The following TRAPPC9 variants were observed in gnomAD, a reference collection of about 807,000 sequenced individuals.
TRAPPC9 encodes IKK2 binding protein.
In TRAPPC9, 83 loss-of-function variants were observed where a neutral mutation model predicts 124.0. The ratio of observed to expected loss-of-function variants is 0.67; its 90% confidence interval spans 0.56 to 0.80. The LOEUF (loss-of-function observed/expected upper bound fraction) is 0.80. Among genes scored for constraint, TRAPPC9 ranks in the 30% least tolerant of loss-of-function variants. TRAPPC9 has a pLI of 0.00. For missense variants in TRAPPC9, 1,302 were observed against 1,508.3 expected, an observed-to-expected ratio of 0.86 and a Z score of 2.27; for synonymous variants, 638 against 617.5, an observed-to-expected ratio of 1.03 and a Z score of -0.49.
At chr8:140,320,356 T>C (rs895042372) in intron 9 of TRAPPC9, among the ~76,000 whole-genome samples, 1 of 152,218 alleles carries the variant, frequency 6.6e-6, no homozygotes, top group Non-Finnish European at 1.5e-5. Flanking sequence ...ACACAGGCTA[T>C]GTTGAAGGAC....
At chr8:139,898,359 T>C (rs1458808928) in intron 20 of TRAPPC9, among the ~76,000 whole-genome samples, 4 of 152,220 alleles carry the variant, frequency 2.6e-5, no homozygotes. Flanking sequence ...GTTTACGGTC[T>C]CTGAGTCCCT....
rs922222263 is a variant in TRAPPC9 at position 139,835,458 on chromosome 8, G to A, written c.3055+50421C>T. 2.6e-5 allele frequency among the ~76,000 whole-genome samples: 4 copies of A among 152,344 alleles called. No individual in the cohort carries two copies. The East Asian group carries it at 5.8e-4, about 22-fold the overall frequency. ...CCCCATTGTGTCACTGTGATGGCGC[G>A]CACGTTCGCCCGTGCTGTGCGTGGA... is the stretch of plus-strand genomic sequence containing the variant. On this transcript the variant is annotated intron_variant, in intron 21 of 22. Transcript: ENST00000438773.
chr8:140,342,434 T>C (rs1289621450), intron 9 of TRAPPC9, among the ~76,000 whole-genome samples: 1 of 152,252 alleles, frequency 6.6e-6, no homozygotes, highest in Non-Finnish European at 1.5e-5. Context: ...CAGGTACTTA[T>C]TATGTTGTAC....
intron 17 of TRAPPC9, among the ~76,000 whole-genome samples, chr8:140,201,212 G>A (rs534481171): frequency 3.9e-5 from 6 of 152,256 alleles, no homozygotes; most frequent in South Asian, 2.1e-4. Context: ...AAAATATTCC[G>A]AAAGAGAAAA....
Position 140,291,265 on chromosome 8 carries a change from T to C in TRAPPC9, c.1769-187A>G, listed in dbSNP as rs1165699171. On this transcript the variant is annotated intron_variant, in intron 11 of 22. Transcript: ENST00000438773. ...TTTCTCTGAAACAAAGCAAGGTAGC[T>C]GTCACTGGCACTTTGATGCCACATG... 7.6e-6 allele frequency: 5 copies of C among 659,140 alleles called. No homozygotes were observed. The Admixed American group carries it at 8.8e-5, about 12-fold the overall frequency. 40.8% of individuals were successfully genotyped at this position (659,140 alleles called of 1,614,324 possible). A position where few individuals can be genotyped will look rare whatever the true frequency, so the allele number is the denominator to read the frequency against.
At chr8:140,432,871 C>CAA (rs749037939) in intron 4 of TRAPPC9, among the ~76,000 whole-genome samples, 4 of 132,412 alleles carry the variant, frequency 3.0e-5, no homozygotes, top group Non-Finnish European at 3.3e-5. Context: ...GACTCTGTAT[C>CAA]AAAAAAAAAA....
intron 17 of TRAPPC9, among the ~76,000 whole-genome samples, chr8:140,036,017 C>A (rs1391336362): frequency 6.6e-6 from 1 of 152,170 alleles, no homozygotes; most frequent in African/African-American, 2.4e-5. Context: ...CTGGGCTACA[C>A]AGGGGAATTG....
At chr8:140,335,027 T>C (rs1224112191) in intron 9 of TRAPPC9, among the ~76,000 whole-genome samples, 1 of 152,096 alleles carries the variant, frequency 6.6e-6, no homozygotes, top group African/African-American at 2.4e-5. Context: ...ATAGAAAAAG[T>C]ATGCAATGAG....
intron 11 of TRAPPC9, among the ~76,000 whole-genome samples, chr8:140,291,625 A>G (rs1396952222): frequency 6.6e-6 from 1 of 152,240 alleles, no homozygotes; most frequent in Non-Finnish European, 1.5e-5. Context: ...CCCCACCTTC[A>G]GTGTGAATAT....
chr8:140,084,196 T>C (rs72685289), intron 17 of TRAPPC9, among the ~76,000 whole-genome samples: 23,916 of 152,174 alleles, frequency 0.16, 2,388 homozygotes, highest in African/African-American at 0.29. Context: ...AGTGGAACCA[T>C]GGTTAATTTT....
At chr8:140,200,653 T>C (rs2062766484) in intron 17 of TRAPPC9, among the ~76,000 whole-genome samples, 1 of 152,064 alleles carries the variant, frequency 6.6e-6, no homozygotes, top group Non-Finnish European at 1.5e-5. Flanking sequence ...CACTCCTCAG[T>C]ACTCTCAACG....
chr8:140,233,310 T>G (rs2063647871), intron 16 of TRAPPC9, among the ~76,000 whole-genome samples: 1 of 152,064 alleles, frequency 6.6e-6, no homozygotes, highest in African/African-American at 2.4e-5. Context: ...GTTCAAGCGA[T>G]TCTCCTGCCT....
chr8:140,135,084 T>A (rs936591291), intron 17 of TRAPPC9, among the ~76,000 whole-genome samples: 1 of 152,148 alleles, frequency 6.6e-6, no homozygotes, highest in Non-Finnish European at 1.5e-5. Flanking sequence ...TTACTAGTCA[T>A]CAAGGAAATG....
intron 5 of TRAPPC9, among the ~76,000 whole-genome samples, chr8:140,416,088 A>C (rs751435739): frequency 2.6e-5 from 4 of 152,202 alleles, no homozygotes; most frequent in Non-Finnish European, 5.9e-5. Context: ...GGGGAATTGA[A>C]AAACAATAGA....
chr8:140,114,684 T>A (rs1237445231), intron 17 of TRAPPC9, among the ~76,000 whole-genome samples: 1 of 152,110 alleles, frequency 6.6e-6, no homozygotes, highest in African/African-American at 2.4e-5. Flanking sequence ...GTGAAGTGCC[T>A]GTGATTAGGA....
At chr8:140,457,074 C>T (rs1395594692) in intron 1 of TRAPPC9, among the ~76,000 whole-genome samples, 1 of 152,208 alleles carries the variant, frequency 6.6e-6, no homozygotes, top group East Asian at 1.9e-4. Context: ...AGATCGCAGG[C>T]ACTTTGAATC....
chr8:139,806,977 A>C (rs1422645912), intron 21 of TRAPPC9, among the ~76,000 whole-genome samples: 4 of 152,238 alleles, frequency 2.6e-5, no homozygotes, highest in Non-Finnish European at 4.4e-5. Flanking sequence ...AGGCCCGAGC[A>C]CTTAGCGGCC....
chr8:140,145,410 T>C (rs117058063), intron 17 of TRAPPC9, among the ~76,000 whole-genome samples: 3,802 of 152,176 alleles, frequency 0.025, 57 homozygotes, highest in Middle Eastern at 0.048. Flanking sequence ...ATTAAGTATG[T>C]TTCCTAGAGA....
chr8:140,307,594 C>T (rs1298134980), intron 10 of TRAPPC9, among the ~76,000 whole-genome samples: 1 of 152,142 alleles, frequency 6.6e-6, no homozygotes, highest in Non-Finnish European at 1.5e-5. Flanking sequence ...TGACCAAGCA[C>T]GAATTTCTGA....
Sources: gnomAD v4.1 joint callset for allele counts (sites outside exome capture counted in the v4.1 genomes callset) on GRCh38, gnomAD v4.1.1 for gene constraint, MANE v1.5 for transcripts, NCBI Gene and HGNC (gene_info 2026-07-23, HGNC 2026-07-21) for gene names.